HEPH: variants seen among roughly 807,000 people sequenced by gnomAD.
The protein encoded by HEPH is hephaestin.
HEPH carries 69 observed loss-of-function variants against 80.8 expected under a neutral mutation model. The observed-to-expected ratio is 0.85, with a 90% CI of 0.70 to 1.04. The LOEUF is 1.04. HEPH is among the 50% of genes least tolerant of loss of function. The pLI, the probability that HEPH is intolerant of heterozygous loss-of-function variation, is 0.00. For synonymous variants in HEPH, 431 were observed against 322.8 expected, an observed-to-expected ratio of 1.34 and a Z score of -3.60; for missense variants, 1,115 against 891.3, an observed-to-expected ratio of 1.25 and a Z score of -3.20.
Position 66,200,652 on chromosome X carries a change from G to A in HEPH, c.1977G>A (p.Met659Ile). The part of the protein sequence containing the change: ...LGTETDVHGV[M>I]FQGNTVQLQG... ...CAGAGACTGATGTGCATGGAGTCAT[G>A]TTCCAGGGCAACACTGTGCAGCTTC... Residue 659 changes from methionine to isoleucine, a missense_variant, in exon 12 of 21, where the codon ATG (methionine) becomes ATA (isoleucine). Transcript: ENST00000343002. The A allele has an allele frequency of 8.3e-7, 1 of 1,211,599 alleles. No homozygotes were observed. The highest frequency in any genetic ancestry group is 1.1e-6 in the Non-Finnish European group (1 of 895,367).
intron 15 of HEPH, among the ~76,000 whole-genome samples, chrX:66,246,426 A>C (rs751042243): frequency 6.3e-5 from 7 of 111,471 alleles, no homozygotes; most frequent in Admixed American, 4.8e-4. Flanking sequence ...GCAGTAGAGC[A>C]ATCTTACTCC....
In HEPH at chrX:66,197,732, C is replaced by T. The variant is rs1351882607; in HGVS notation, c.1551C>T (p.Tyr517=). 8.3e-7 allele frequency: 1 copy of T among 1,211,641 alleles called. No homozygotes were observed. The highest frequency in any genetic ancestry group is 1.1e-6 in the Non-Finnish European group (1 of 895,401). ...LVAKPFEKVT[Y]RWTVPPHAGP... ...CCAAGCCCTTTGAGAAAGTAACATA[C>T]CGCTGGACAGTCCCCCCTCATGCCG... Residue 517 remains tyrosine (Y), a synonymous_variant, in exon 10 of 21, where the codon TAC becomes TAT. Transcript: ENST00000343002.
chrX:66,196,011 C>T (rs1294366898), intron 9 of HEPH, among the ~76,000 whole-genome samples: 3 of 111,510 alleles, frequency 2.7e-5, no homozygotes, highest in Non-Finnish European at 5.7e-5. Context: ...CTAGTCTCTT[C>T]AAGAAGTCAA....
At chrX:66,173,562 C>T in intron 3 of HEPH, 27 bp from the exon 4 acceptor site, 1 of 1,103,948 alleles carries the variant, frequency 9.1e-7, no homozygotes. Context: ...TTATTCTGGG[C>T]CTGTGCATGT....
chrX:66,206,317 G>T (rs1193245550), intron 13 of HEPH, among the ~76,000 whole-genome samples: 1 of 81,690 alleles, frequency 1.2e-5, no homozygotes, highest in African/African-American at 4.5e-5. Context: ...TTTGGATGAT[G>T]GCAAACAAGG....
chrX:66,234,010 G>C (rs936039458), intron 15 of HEPH, among the ~76,000 whole-genome samples: 3 of 110,844 alleles, frequency 2.7e-5, no homozygotes, highest in Non-Finnish European at 5.7e-5. Context: ...TCTCACTGAG[G>C]TACTAAGCCT....
chrX:66,243,789 T>C (rs142664065), intron 15 of HEPH, among the ~76,000 whole-genome samples: 4 of 112,654 alleles, frequency 3.6e-5, no homozygotes, highest in African/African-American at 1.3e-4. Flanking sequence ...CATGTTTTTG[T>C]GGTCATTGGT....
chrX:66,256,316 G>A lies in HEPH; in HGVS notation c.2882G>A (p.Ser961Asn), dbSNP rs1216075581. 3 of 1,195,858 alleles carry A rather than the reference G, an allele frequency of 2.5e-6. No homozygotes were observed. In the East Asian group the frequency reaches 8.9e-5, roughly 36 times the overall value. Residue 961 changes from serine to asparagine, a missense_variant, in exon 17 of 21, where the codon AGC becomes AAC. Coordinates refer to ENST00000343002, the MANE Select transcript of HEPH (RefSeq NM_001367233.3). The stretch of plus-strand genomic sequence containing the variant: ...CTACAGGATGAAACTTTCTTGGAGA[G>A]CAATAAAATGCATGGTCAGTAGTAA... Reference protein sequence around the residue: ...INLQDETFLESNKMHAINGKL... With the variant: ...INLQDETFLENNKMHAINGKL...
intron 4 of HEPH, among the ~76,000 whole-genome samples, 185 bp downstream of exon 4, chrX:66,173,986 C>T (rs1228000860): frequency 9.1e-6 from 1 of 109,695 alleles, no homozygotes. Flanking sequence ...AATTTCATTA[C>T]TTTTTTTCTT....
intron 8 of HEPH, 149 bp downstream of exon 8, chrX:66,193,787 G>A (rs2087941181): frequency 7.9e-6 from 3 of 381,752 alleles, no homozygotes; most frequent in Non-Finnish European, 1.3e-5. Flanking sequence ...TTGTGAAAGA[G>A]TTATGAGTCT....
chrX:66,234,643 A>ATT (rs372832153), intron 15 of HEPH, among the ~76,000 whole-genome samples: 12 of 98,826 alleles, frequency 1.2e-4, no homozygotes, highest in South Asian at 4.6e-4. Context: ...TGTGGTTTTG[A>ATT]TTTTTTTTTT....
At chrX:66,250,603 G>T (rs2090967539) in intron 15 of HEPH, among the ~76,000 whole-genome samples, 1 of 110,838 alleles carries the variant, frequency 9.0e-6, no homozygotes, top group Non-Finnish European at 1.9e-5. Flanking sequence ...TATATTCTTT[G>T]ATTTACATAA....
intron 15 of HEPH, among the ~76,000 whole-genome samples, chrX:66,215,865 C>A (rs754071810): frequency 3.8e-4 from 43 of 112,216 alleles, no homozygotes; most frequent in Non-Finnish European, 6.2e-4. Context: ...TGCTCACCAA[C>A]TACCTGGAAA....
rs765715609 is a variant in HEPH at position 66,168,603 on chromosome X, G to A, written c.-13-1955G>A. On this transcript the variant is annotated intron_variant, in intron 1 of 20. Transcript: ENST00000343002. ...GGATTAACACTTGGGTCACTGCTGC[G>A]TATGGAGAGGACTGAGAGTTTGTGA... 6.6e-4 allele frequency among the ~76,000 whole-genome samples: 74 copies of A among 111,882 alleles called. 1 individual carries two copies. The highest frequency in any genetic ancestry group is 1.1e-3 in the Non-Finnish European group (58 of 53,150).
At position 66,207,215 on chromosome X, in the gene HEPH, G is replaced by T; in HGVS notation, c.2312G>T (p.Ser771Ile). The change falls in exon 14 of 21, where the codon AGC (serine) becomes ATC (isoleucine). Residue 771 changes from serine (S) to isoleucine (I), a missense_variant. Physicochemically the swap from Ser to Ile is moderately radical, Grantham distance 142. Coordinates refer to ENST00000343002, the MANE Select transcript of HEPH (RefSeq NM_001367233.3). Reference protein sequence around the residue: ...EKDSYGYIFLSNKDGLLGSRY... With the variant: ...EKDSYGYIFLINKDGLLGSRY... ...TCTAGTTATGGTTACATTTTCCTGA[G>T]CAACAAGGATGGGCTCCTGGGTTCC... is the stretch of plus-strand genomic sequence containing the variant. The T allele has an allele frequency of 8.3e-7, 1 of 1,206,576 alleles. No individual in the cohort carries two copies. Among genetic ancestry groups the T allele is most frequent in the South Asian group, 1.8e-5 (1 of 56,401 alleles).
chrX:66,263,501 T>C (rs1161541706), intron 19 of HEPH, 143 bp from the exon 20 acceptor site: 1 of 544,283 alleles, frequency 1.8e-6, no homozygotes, highest in Non-Finnish European at 3.1e-6. Flanking sequence ...TGACTTGGAC[T>C]ATAAAGTAGT....
intron 4 of HEPH, among the ~76,000 whole-genome samples, chrX:66,177,961 A>G (rs1177337633): frequency 9.1e-6 from 1 of 110,007 alleles, no homozygotes; most frequent in Admixed American, 9.6e-5. Flanking sequence ...TTTTTTTATT[A>G]TACTTTAAGT....
chrX:66,249,416 A>G (rs1370018521), intron 15 of HEPH, among the ~76,000 whole-genome samples: 1 of 111,897 alleles, frequency 8.9e-6, no homozygotes, highest in Admixed American at 9.5e-5. Context: ...TTATTCTGTG[A>G]AATTTGAGTT....
rs754276428 is a variant in HEPH, at chrX:66,258,904, C to G, written c.2961C>G (p.Ala987=). The part of the protein sequence containing the change: ...GLTMYQGERV[A]WYMLAMGQDV... ...CCATGTACCAAGGAGAACGAGTGGC[C>G]TGGTACATGCTGGCCATGGGCCAAG... The change falls in exon 18 of 21, where the codon GCC becomes GCG. Residue 987 remains alanine, a synonymous_variant. Transcript: ENST00000343002. 4.1e-5 allele frequency: 49 copies of G among 1,195,270 alleles called. No homozygotes were observed. Among genetic ancestry groups the G allele is most frequent in the South Asian group, 1.5e-4 (8 of 54,235 alleles).
Sources: allele counts gnomAD v4.1 joint callset (sites outside exome capture counted in the v4.1 genomes callset), GRCh38; gene constraint gnomAD v4.1.1; transcripts MANE v1.5; gene names NCBI Gene and HGNC (gene_info 2026-07-23, HGNC 2026-07-21).